The following DNAAF9 variants were observed in gnomAD, a reference collection of about 807,000 sequenced individuals.
DNAAF9 encodes the protein shulin.
In DNAAF9, 90 loss-of-function variants were observed where a neutral mutation model predicts 167.0. The observed-to-expected ratio is 0.54, with a 90% CI of 0.45 to 0.64. The LOEUF is 0.64. Ranked by LOEUF, DNAAF9 falls within the 30% of genes least tolerant of loss-of-function variation. The pLI is 0.00. For missense variants in DNAAF9, 1,315 were observed against 1,442.2 expected, an observed-to-expected ratio of 0.91 and a Z score of 1.43; for synonymous variants, 491 against 508.8, an observed-to-expected ratio of 0.96 and a Z score of 0.47.
At chr20:3,255,718 A>G (rs1267216779) in intron 34 of DNAAF9, among the ~76,000 whole-genome samples, 6 of 152,220 alleles carry the variant, frequency 3.9e-5, no homozygotes, top group Non-Finnish European at 8.8e-5. Flanking sequence ...CTCTAGTCCC[A>G]GAGTTCTAGG....
chr20:3,284,291 C>T (rs1237037428), intron 27 of DNAAF9, among the ~76,000 whole-genome samples: 1 of 151,712 alleles, frequency 6.6e-6, no homozygotes, highest in Non-Finnish European at 1.5e-5. Flanking sequence ...AGCGATCCTC[C>T]TGCCTCAGCC....
chr20:3,272,777 T>G (rs2068616288), intron 29 of DNAAF9, among the ~76,000 whole-genome samples: 1 of 152,194 alleles, frequency 6.6e-6, no homozygotes, highest in Non-Finnish European at 1.5e-5. Flanking sequence ...GATTCAATGC[T>G]CATCATCAAC....
intron 26 of DNAAF9, 80 bp downstream of exon 26, chr20:3,290,049 C>T (rs1053681616): frequency 1.2e-5 from 10 of 857,724 alleles, no homozygotes; most frequent in Non-Finnish European, 1.8e-5. Context: ...AAGGCCAGTA[C>T]ATGTCTAAGG....
chr20:3,359,367 TTCAAGACA>T, intron 7 of DNAAF9, 141 bp downstream of exon 7: 1 of 634,624 alleles, frequency 1.6e-6, no homozygotes, highest in South Asian at 2.0e-5. Flanking sequence ...CCCCAAGGAA[TTCAAGACA>T]ATAATCAAGG....
intron 28 of DNAAF9, among the ~76,000 whole-genome samples, chr20:3,280,463 G>A: frequency 6.6e-6 from 1 of 151,752 alleles, no homozygotes; most frequent in East Asian, 2.0e-4. Context: ...TACTCGGGAG[G>A]CTGAGGCAAG....
rs1255218662 is a variant in DNAAF9, at chr20:3,315,433, A to C, written c.1590+302T>G. ...CAGAGGCAGCTTCTCCTTGGCCTAAAGCCTTGATGTCTCAGCTCTACATGT... is the reference window on the plus strand; with the variant it reads ...CAGAGGCAGCTTCTCCTTGGCCTAACGCCTTGATGTCTCAGCTCTACATGT... On this transcript the variant is annotated intron_variant, in intron 19 of 36. Coordinates refer to ENST00000252032, the MANE Select transcript of DNAAF9 (RefSeq NM_001009984.3). This position sits in a 1 kb window ranked among gnomAD's most constrained non-coding sequence, Gnocchi z 4.1. Among the ~76,000 whole-genome samples, 1 of 152,230 alleles carries C rather than the reference A, an allele frequency of 6.6e-6. No homozygotes were observed. The highest frequency in any genetic ancestry group is 1.5e-5 in the Non-Finnish European group (1 of 68,044).
chr20:3,370,131 G>A (rs573062611), intron 6 of DNAAF9, among the ~76,000 whole-genome samples: 3 of 152,134 alleles, frequency 2.0e-5, no homozygotes, highest in African/African-American at 7.2e-5. Context: ...CTATTACTGG[G>A]TCTCCATCCC....
At chr20:3,386,547 G>A (rs1376534014) in intron 1 of DNAAF9, among the ~76,000 whole-genome samples, 1 of 152,126 alleles carries the variant, frequency 6.6e-6, no homozygotes, top group African/African-American at 2.4e-5. Context: ...CTGGACCTAG[G>A]ATTTGGTGAA....
intron 18 of DNAAF9, among the ~76,000 whole-genome samples, chr20:3,316,350 A>T (rs1211949170): frequency 2.6e-5 from 4 of 152,148 alleles, no homozygotes; most frequent in Middle Eastern, 3.2e-3. Flanking sequence ...ACTCCGTAGC[A>T]ACCACTCTAC....
intron 7 of DNAAF9, among the ~76,000 whole-genome samples, chr20:3,350,710 G>A (rs982415849): frequency 2.2e-4 from 34 of 152,116 alleles, no homozygotes; most frequent in African/African-American, 8.0e-4. Context: ...TAGCTGGCAA[G>A]GAAGTTATCA....
At chr20:3,303,029 G>T (rs574234522) in intron 21 of DNAAF9, among the ~76,000 whole-genome samples, 1 of 152,242 alleles carries the variant, frequency 6.6e-6, no homozygotes, top group Non-Finnish European at 1.5e-5. Context: ...ACGAGGTCAG[G>T]AGATCGAGAC....
rs753586353 is a variant in DNAAF9, at chr20:3,290,151, T to C, written c.2305A>G (p.Thr769Ala). The C allele has an allele frequency of 9.3e-6, 15 of 1,611,442 alleles. No individual in the cohort carries two copies. In the Admixed American group the frequency reaches 2.5e-4, roughly 27 times the overall value. ...HASELCAFLVTLHKECGRWMV... is the reference protein window; with the variant it reads ...HASELCAFLVALHKECGRWMV... ...AACCTGCCACATTCCTTATGCAGAGTGACCAGAAAAGCACAGAGCTCGCTA... is the reference window on the plus strand; with the variant it reads ...AACCTGCCACATTCCTTATGCAGAGCGACCAGAAAAGCACAGAGCTCGCTA... The change falls in exon 26 of 37, where the codon ACT becomes GCT. Residue 769 changes from threonine (T) to alanine (A), a missense_variant. Transcript: ENST00000252032.
At chr20:3,263,240 C>T (rs181683194) in intron 31 of DNAAF9, among the ~76,000 whole-genome samples, 1 of 152,240 alleles carries the variant, frequency 6.6e-6, no homozygotes, top group African/African-American at 2.4e-5. Context: ...TCCCAAAGTG[C>T]TGGGATTACA....
chr20:3,274,689 A>G (rs1221853601), intron 29 of DNAAF9, among the ~76,000 whole-genome samples: 1 of 152,238 alleles, frequency 6.6e-6, no homozygotes, highest in Non-Finnish European at 1.5e-5. Context: ...ACAGAGAGTA[A>G]GAATCCATGA....
At chr20:3,377,585 G>A (rs1279151630) in intron 3 of DNAAF9, among the ~76,000 whole-genome samples, 6 of 151,742 alleles carry the variant, frequency 4.0e-5, no homozygotes, top group Non-Finnish European at 8.8e-5. Context: ...AGCCCCACAA[G>A]AAGCTGGGGC....
chr20:3,316,709 T>G lies in DNAAF9; in HGVS notation c.1539+14A>C. 1 of 1,601,982 alleles carries G rather than the reference T, an allele frequency of 6.2e-7. No homozygotes were observed. Among genetic ancestry groups the G allele is most frequent in the East Asian group, 2.2e-5 (1 of 44,786 alleles). On this transcript the variant is annotated intron_variant, in intron 18 of 36. Coordinates refer to ENST00000252032, the MANE Select transcript of DNAAF9 (RefSeq NM_001009984.3). ...CACACGTAGGTCCACTTCCACCTGA[T>G]GAATGACACTAACCAGCCAGGAGCA...
At chr20:3,278,340 A>G (rs2068706531) in intron 29 of DNAAF9, among the ~76,000 whole-genome samples, 1 of 152,146 alleles carries the variant, frequency 6.6e-6, no homozygotes, top group Admixed American at 6.6e-5. Flanking sequence ...AGGAATACCT[A>G]CTCAGTCCAC....
At chr20:3,330,790 A>G in intron 11 of DNAAF9, 108 bp from the exon 12 acceptor site, 2 of 431,042 alleles carry the variant, frequency 4.6e-6, no homozygotes, top group Middle Eastern at 5.8e-4. Flanking sequence ...CAAGAACTAC[A>G]CTTTTTTTTT....
intron 29 of DNAAF9, among the ~76,000 whole-genome samples, chr20:3,274,577 T>C (rs1484445460): frequency 6.6e-6 from 1 of 152,236 alleles, no homozygotes; most frequent in South Asian, 2.1e-4. Context: ...CTAGACAAAT[T>C]GCTCTACTTT....
Sources: gnomAD v4.1 joint callset for allele counts (sites outside exome capture counted in the v4.1 genomes callset) on GRCh38, gnomAD v4.1.1 for gene constraint, Gnocchi (gnomAD v3.1) non-coding constraint, MANE v1.5 for transcripts, NCBI Gene and HGNC (gene_info 2026-07-23, HGNC 2026-07-21) for gene names.